The following NDUFA10 variants were observed in gnomAD, a reference collection of about 807,000 sequenced individuals.
NDUFA10 encodes NADH:ubiquinone oxidoreductase subunit A10, also known as NADH dehydrogenase [ubiquinone] 1 alpha subcomplex subunit 10, mitochondrial.
In NDUFA10, 40 loss-of-function variants were observed where a neutral mutation model predicts 47.8. That is an observed-to-expected ratio of 0.84 (90% CI 0.65 to 1.09). The LOEUF (loss-of-function observed/expected upper bound fraction) is 1.09, where lower values mean the gene tolerates loss of function less well. NDUFA10 is among the 50% of genes least tolerant of loss of function. The probability of loss-of-function intolerance (pLI) is 0.00; values close to 1 mark genes in which losing one functional copy is unlikely to be tolerated. For synonymous variants in NDUFA10, 183 were observed against 172.2 expected (o/e 1.06, Z -0.49); for missense variants, 413 against 451.1 (o/e 0.92, Z 0.76).
At chr2:239,971,396 G>A (rs1248366414) in intron 9 of NDUFA10, among the ~76,000 whole-genome samples, 2 of 152,166 alleles carry the variant, frequency 1.3e-5, no homozygotes, top group Non-Finnish European at 2.9e-5. Context: ...TTTTTGAAGT[G>A]CTGTCCTGAG....
At chr2:239,921,130 G>A (rs1459654396) in intron 4 of NDUFA10, among the ~76,000 whole-genome samples, 1 of 152,086 alleles carries the variant, frequency 6.6e-6, no homozygotes, top group Admixed American at 6.6e-5. Context: ...CGAACCTAAG[G>A]AAACTTTAGG....
intron 4 of NDUFA10, among the ~76,000 whole-genome samples, chr2:239,898,610 T>C (rs1693446495): frequency 6.6e-6 from 1 of 152,254 alleles, no homozygotes; most frequent in South Asian, 2.1e-4. Context: ...ACGCCTCTCC[T>C]TCCTCTCCTT....
At chr2:239,977,145 A>G (rs1222168365) in intron 9 of NDUFA10, among the ~76,000 whole-genome samples, 5 of 152,164 alleles carry the variant, frequency 3.3e-5, no homozygotes, top group Non-Finnish European at 7.3e-5. Context: ...AACACAGACA[A>G]GAGAGACAGC....
At chr2:239,922,846 G>A (rs1694011344) in intron 4 of NDUFA10, among the ~76,000 whole-genome samples, 1 of 152,210 alleles carries the variant, frequency 6.6e-6, no homozygotes, top group Non-Finnish European at 1.5e-5. Context: ...CAGGTAAGAT[G>A]GTAGGGTACG....
intron 4 of NDUFA10, among the ~76,000 whole-genome samples, chr2:239,949,857 T>G (rs904268007): frequency 7.2e-5 from 11 of 152,162 alleles, no homozygotes; most frequent in Non-Finnish European, 7.4e-5. Flanking sequence ...GTCTCCAGCT[T>G]GCAGACAGCA....
intron 4 of NDUFA10, among the ~76,000 whole-genome samples, chr2:239,901,282 G>T (rs563067897): frequency 1.3e-5 from 2 of 152,114 alleles, no homozygotes; most frequent in Non-Finnish European, 2.9e-5. Flanking sequence ...CAGAAGGATC[G>T]CTTAAGCCCA....
At chr2:239,925,401 G>A (rs535813986) in intron 4 of NDUFA10, among the ~76,000 whole-genome samples, 1 of 152,190 alleles carries the variant, frequency 6.6e-6, no homozygotes, top group Admixed American at 6.5e-5. Context: ...TTTGACAAAG[G>A]TGCAAAAGCA....
chr2:239,973,118 G>A (rs1018471123), intron 9 of NDUFA10, among the ~76,000 whole-genome samples: 6 of 152,192 alleles, frequency 3.9e-5, no homozygotes, highest in South Asian at 2.1e-4. Context: ...GATTAACGCC[G>A]AGTTTCTATG....
At chr2:239,990,205 AT>A (rs1559362129) in intron 8 of NDUFA10, 23 bp from the exon 9 acceptor site, 1 of 1,540,724 alleles carries the variant, frequency 6.5e-7, no homozygotes, top group Non-Finnish European at 9.0e-7. Context: ...ACACATGTGG[AT>A]CACACCAAAC....
At chr2:239,896,195 G>T in intron 4 of NDUFA10, among the ~76,000 whole-genome samples, 1 of 152,208 alleles carries the variant, frequency 6.6e-6, no homozygotes, top group East Asian at 1.9e-4. Context: ...CACCAATGCC[G>T]CGTGTGAATG....
At chr2:239,908,253 G>C (rs374943135) in intron 4 of NDUFA10, among the ~76,000 whole-genome samples, 2 of 152,090 alleles carry the variant, frequency 1.3e-5, no homozygotes, top group African/African-American at 2.4e-5. Flanking sequence ...GTTGTGGGGT[G>C]GGGGGAGAGG....
At chr2:239,936,207 A>G (rs557835834) in intron 4 of NDUFA10, among the ~76,000 whole-genome samples, 1 of 152,314 alleles carries the variant, frequency 6.6e-6, no homozygotes, top group East Asian at 1.9e-4. Context: ...TGCCCTGTGC[A>G]TGCTGACTCA....
rs1694836977 is a variant in NDUFA10 at position 239,961,162 on chromosome 2, C to T, written c.1024G>A (p.Gly342Arg). The T allele has an allele frequency of 3.7e-6, 6 of 1,613,858 alleles. No homozygotes were observed. The highest frequency in any genetic ancestry group is 5.1e-6 in the Non-Finnish European group (6 of 1,179,948). Residue 342 changes from glycine to arginine, a missense_variant, in exon 10 of 10, where the codon GGG (glycine) becomes AGG (arginine). Gly to Arg is a moderately radical substitution (Grantham distance 125, BLOSUM62 -2). Coordinates refer to ENST00000252711, the MANE Select transcript of NDUFA10 (RefSeq NM_004544.4). Reference sequence around the variant, plus strand: ...TTGTCTCCCACCTCGGTGTTGTACCCAGGGCTGTACTTGCGGCCCGGCAGC... The same window carrying T: ...TTGTCTCCCACCTCGGTGTTGTACCTAGGGCTGTACTTGCGGCCCGGCAGC... ...RELPGRKYSP[G>R]YNTEVGDKWI... is the part of the protein sequence containing the mutation.
Position 240,016,397 on chromosome 2 carries a change from C to G in NDUFA10, c.548-1537G>C, listed in dbSNP as rs1697349294. Among the ~76,000 whole-genome samples the G allele has an allele frequency of 6.6e-6, 1 of 152,190 alleles. No homozygotes were observed. Among genetic ancestry groups the G allele is most frequent in the Non-Finnish European group, 1.5e-5 (1 of 68,032 alleles). On this transcript the variant is annotated intron_variant, in intron 4 of 9. Coordinates refer to ENST00000252711, the MANE Select transcript of NDUFA10 (RefSeq NM_004544.4). The surrounding 1 kb of genome is among the most constrained non-coding windows in gnomAD (Gnocchi z 4.4). ...CCTGCTTCCCACCCTCACCCTTACT[C>G]CTGTCAGTACACCCACTTCTCAGGT...
intron 6 of NDUFA10, among the ~76,000 whole-genome samples, chr2:240,010,486 T>C (rs367764340): frequency 1.3e-5 from 2 of 152,198 alleles, no homozygotes; most frequent in Non-Finnish European, 2.9e-5. Context: ...GAGTAATTTT[T>C]GAGCCTGAAA....
chr2:239,939,500 T>C (rs927430058), intron 4 of NDUFA10, among the ~76,000 whole-genome samples: 3 of 152,282 alleles, frequency 2.0e-5, no homozygotes, highest in Non-Finnish European at 4.4e-5. Context: ...TTTCTGCTTT[T>C]GCCACACTTT....
At chr2:239,981,398 A>C (rs1160456221) in intron 9 of NDUFA10, among the ~76,000 whole-genome samples, 3 of 138,730 alleles carry the variant, frequency 2.2e-5, no homozygotes, top group Non-Finnish European at 4.6e-5. Flanking sequence ...GAGACAGAGC[A>C]TAAAATAACT....
Position 240,011,500 on chromosome 2 carries a change from ATC to A in NDUFA10, c.749+115_749+116del, listed in dbSNP as rs980272132. 3 of 777,052 alleles carry A rather than the reference ATC, an allele frequency of 3.9e-6. No individual in the cohort carries two copies. The African/African-American group carries it at 5.2e-5, about 13-fold the overall frequency. 48.1% of individuals were successfully genotyped at this position (777,052 alleles called of 1,614,324 possible). ...CTTATTTATAAACATCAGATTAAAC[ATC>A]TCAGACAATATCCACTGCAGTAAAT... On this transcript the variant is annotated intron_variant, in intron 6 of 9. Coordinates refer to ENST00000252711, the MANE Select transcript of NDUFA10 (RefSeq NM_004544.4).
At position 239,981,719 on chromosome 2, in the gene NDUFA10, C is replaced by T. The variant is rs146995478; in HGVS notation, c.999+8355G>A. 2.0e-3 allele frequency among the ~76,000 whole-genome samples: 312 copies of T among 152,232 alleles called. 1 individual carries two copies. The highest frequency in any genetic ancestry group is 3.4e-3 in the Middle Eastern group (1 of 294). On this transcript the variant is annotated intron_variant, in intron 9 of 9. Coordinates refer to ENST00000252711, the MANE Select transcript of NDUFA10 (RefSeq NM_004544.4). ...CCATCATAAAACATGCATGCAACGT[C>T]CTGGGCATGTTACAATACACAGACC...
Sources: allele counts gnomAD v4.1 joint callset (sites outside exome capture counted in the v4.1 genomes callset), GRCh38; gene constraint gnomAD v4.1.1; non-coding constraint Gnocchi (gnomAD v3.1); transcripts MANE v1.5; gene names NCBI Gene and HGNC (gene_info 2026-07-23, HGNC 2026-07-21).